The following LRFN2 variants were observed in gnomAD, a reference collection of about 807,000 sequenced individuals.
The protein encoded by LRFN2 is leucine-rich repeat and fibronectin type-III domain-containing protein 2.
LRFN2 carries 18 observed loss-of-function variants against 37.3 expected under a neutral mutation model. The ratio of observed to expected loss-of-function variants is 0.48; its 90% CI spans 0.33 to 0.72. LRFN2 has a LOEUF of 0.72. Among genes scored for constraint, LRFN2 ranks in the 30% least tolerant of loss-of-function variants. LRFN2 has a pLI of 0.02. For missense variants in LRFN2, 1,006 were observed against 1,060.7 expected, an observed-to-expected ratio of 0.95 and a Z score of 0.72; for synonymous variants, 556 against 466.6, an observed-to-expected ratio of 1.19 and a Z score of -2.47.
chr6:40,528,056 C>G (rs540056487), intron 1 of LRFN2, among the ~76,000 whole-genome samples: 19 of 152,322 alleles, frequency 1.2e-4, no homozygotes, highest in African/African-American at 4.3e-4. Flanking sequence ...GGTCACACCG[C>G]TGATTAAGGC....
intron 2 of LRFN2, among the ~76,000 whole-genome samples, chr6:40,396,702 G>C (rs911222298): frequency 7.2e-6 from 1 of 138,022 alleles, no homozygotes; most frequent in African/African-American, 2.8e-5. Context: ...GTGTGTGTGT[G>C]TGTGTGTGTG....
intron 1 of LRFN2, among the ~76,000 whole-genome samples, chr6:40,544,238 A>G (rs982001987): frequency 6.6e-6 from 1 of 152,210 alleles, no homozygotes; most frequent in African/African-American, 2.4e-5. Context: ...TTCCTGACCC[A>G]CGGAAGTCCG....
At chr6:40,434,455 A>C (rs1483871545) in intron 1 of LRFN2, among the ~76,000 whole-genome samples, 5 of 151,236 alleles carry the variant, frequency 3.3e-5, no homozygotes, top group African/African-American at 9.7e-5. Flanking sequence ...TATGCAGACC[A>C]GCATTTCTCA....
chr6:40,572,820 A>C (rs1050593277), intron 1 of LRFN2, among the ~76,000 whole-genome samples: 1 of 152,194 alleles, frequency 6.6e-6, no homozygotes, highest in African/African-American at 2.4e-5. Context: ...GGGCTCCTAT[A>C]GTCAGCAGAT....
At chr6:40,577,607 C>T (rs1323985963) in intron 1 of LRFN2, among the ~76,000 whole-genome samples, 2 of 111,850 alleles carry the variant, frequency 1.8e-5, no homozygotes, top group African/African-American at 7.3e-5. Flanking sequence ...CCACAGTCCC[C>T]GGAGTGTGAT....
chr6:40,512,938 T>G (rs1374964136), intron 1 of LRFN2, among the ~76,000 whole-genome samples: 1 of 152,152 alleles, frequency 6.6e-6, no homozygotes, highest in African/African-American at 2.4e-5. Flanking sequence ...CCTACAAAAT[T>G]CAGTCTCCTA....
At chr6:40,396,065 GTAC>G (rs1477481283) in intron 2 of LRFN2, among the ~76,000 whole-genome samples, 3 of 132,238 alleles carry the variant, frequency 2.3e-5, no homozygotes, top group African/African-American at 8.5e-5. Context: ...ACTACTATTA[GTAC>G]TACTACTAAT....
intron 1 of LRFN2, among the ~76,000 whole-genome samples, chr6:40,575,708 C>T (rs1767265145): frequency 6.6e-6 from 1 of 152,142 alleles, no homozygotes. Context: ...ACCCCATCCC[C>T]ACTCTCCCAC....
chr6:40,391,902 T>A lies in LRFN2; in HGVS notation c.*41A>T. On this transcript the variant is annotated 3_prime_UTR_variant, in exon 3 of 3. Transcript: ENST00000338305. ...TTGCCAGTGAGATTCTTTCCCCTTCTCCCACCCTGCGCACAGGAAAGGGAG... is the reference window on the plus strand; with the variant it reads ...TTGCCAGTGAGATTCTTTCCCCTTCACCCACCCTGCGCACAGGAAAGGGAG... 1.4e-6 allele frequency: 2 copies of A among 1,480,590 alleles called. No homozygotes were observed. Among genetic ancestry groups the A allele is most frequent in the Non-Finnish European group, 1.8e-6 (2 of 1,112,804 alleles). The allele number at this position is 1,480,590 out of a possible 1,614,324, so 91.7% of individuals were successfully genotyped here.
intron 2 of LRFN2, among the ~76,000 whole-genome samples, chr6:40,416,298 C>T (rs2113809678): frequency 6.6e-6 from 1 of 152,354 alleles, no homozygotes; most frequent in African/African-American, 2.4e-5. Flanking sequence ...CGTGAGCCAC[C>T]ATGTCCGGCC....
At chr6:40,511,833 C>A (rs1765716650) in intron 1 of LRFN2, among the ~76,000 whole-genome samples, 1 of 152,210 alleles carries the variant, frequency 6.6e-6, no homozygotes, top group Non-Finnish European at 1.5e-5. Context: ...TCTTTCCAGT[C>A]AGAGGCTGAG....
chr6:40,579,779 G>C (rs1561914917), intron 1 of LRFN2, among the ~76,000 whole-genome samples: 1 of 152,204 alleles, frequency 6.6e-6, no homozygotes, highest in South Asian at 2.1e-4. Context: ...ACTGAGGGCT[G>C]CGTGCACACA....
At chr6:40,474,685 T>C (rs1233153746) in intron 1 of LRFN2, among the ~76,000 whole-genome samples, 1 of 152,088 alleles carries the variant, frequency 6.6e-6, no homozygotes, top group Non-Finnish European at 1.5e-5. Context: ...AGATGGGGTT[T>C]CATCATGTTG....
intron 1 of LRFN2, among the ~76,000 whole-genome samples, chr6:40,553,066 T>G (rs1766804826): frequency 6.6e-6 from 1 of 152,220 alleles, no homozygotes; most frequent in Non-Finnish European, 1.5e-5. Flanking sequence ...CTCTGTCTCT[T>G]TCTCCAACAG....
At chr6:40,507,065 G>T (rs1030395267) in intron 1 of LRFN2, among the ~76,000 whole-genome samples, 4 of 152,218 alleles carry the variant, frequency 2.6e-5, no homozygotes, top group African/African-American at 7.2e-5. Context: ...TGCTTAAATG[G>T]TATTGATTGT....
intron 1 of LRFN2, among the ~76,000 whole-genome samples, chr6:40,454,092 T>C (rs1043010674): frequency 1.3e-5 from 2 of 152,178 alleles, no homozygotes; most frequent in African/African-American, 2.4e-5. Flanking sequence ...ATTTAAAACC[T>C]CCTTGGATGT....
intron 1 of LRFN2, among the ~76,000 whole-genome samples, chr6:40,515,620 G>A (rs1190252553): frequency 6.6e-6 from 1 of 152,178 alleles, no homozygotes; most frequent in Non-Finnish European, 1.5e-5. Flanking sequence ...TGGGCGCGGT[G>A]GCTCACGCCT....
At chr6:40,536,157 T>C (rs1220909242) in intron 1 of LRFN2, among the ~76,000 whole-genome samples, 1 of 152,028 alleles carries the variant, frequency 6.6e-6, no homozygotes, top group Non-Finnish European at 1.5e-5. Flanking sequence ...GGGTGAGGCC[T>C]GGGCAAACCT....
chr6:40,411,035 G>A (rs1362766462), intron 2 of LRFN2, among the ~76,000 whole-genome samples: 1 of 152,240 alleles, frequency 6.6e-6, no homozygotes, highest in Non-Finnish European at 1.5e-5. Flanking sequence ...ATGGCCATAT[G>A]GGCCTGTCAT....
Sources: gnomAD v4.1 joint callset for allele counts (sites outside exome capture counted in the v4.1 genomes callset) on GRCh38, gnomAD v4.1.1 for gene constraint, MANE v1.5 for transcripts, NCBI Gene and HGNC (gene_info 2026-07-23, HGNC 2026-07-21) for gene names.